CFAP299: variants seen among roughly 807,000 people sequenced by gnomAD.
The protein encoded by CFAP299 is cilia- and flagella-associated protein 299.
CFAP299 carries 21 observed loss-of-function variants against 27.0 expected under a neutral mutation model. The observed-to-expected ratio is 0.78, with a 90% CI of 0.55 to 1.12. CFAP299 has a LOEUF of 1.12. Ranked by LOEUF, CFAP299 falls within the 50% of genes most tolerant of loss-of-function variation. The pLI, the probability that CFAP299 is intolerant of heterozygous loss-of-function variation, is 0.00. For synonymous variants in CFAP299, 104 were observed against 98.1 expected (o/e 1.06, Z -0.36); for missense variants, 310 against 276.6 (o/e 1.12, Z -0.86).
At chr4:80,881,551 G>A (rs1733707028) in intron 4 of CFAP299, among the ~76,000 whole-genome samples, 1 of 140,022 alleles carries the variant, frequency 7.1e-6, no homozygotes, top group African/African-American at 2.4e-5. Flanking sequence ...TGTGCTCCTT[G>A]TTGAGTTGGC....
the CFAP299 span, among the ~76,000 whole-genome samples, chr4:80,322,688 G>A: frequency 6.6e-6 from 1 of 152,118 alleles, no homozygotes. Context: ...ATTTCAGTAG[G>A]AAAAGGTAGG....
intron 3 of CFAP299, among the ~76,000 whole-genome samples, chr4:80,676,911 G>A (rs1719499191): frequency 6.6e-6 from 1 of 151,640 alleles, no homozygotes; most frequent in African/African-American, 2.4e-5. Context: ...TCATTTTGTT[G>A]ATATTCTGTA....
intron 3 of CFAP299, among the ~76,000 whole-genome samples, chr4:80,800,247 TAA>T (rs1430367613): frequency 1.6e-4 from 11 of 69,826 alleles, no homozygotes; most frequent in Admixed American, 5.5e-4. Context: ...ATATAATATA[TAA>T]TATATATTAT....
chr4:80,793,876 C>T (rs995708734), intron 3 of CFAP299, among the ~76,000 whole-genome samples: 1 of 152,156 alleles, frequency 6.6e-6, no homozygotes, highest in South Asian at 2.1e-4. Flanking sequence ...ATGACTACCT[C>T]GTCTACTATC....
chr4:80,728,277 T>C (rs1306053801), intron 3 of CFAP299, among the ~76,000 whole-genome samples: 1 of 152,150 alleles, frequency 6.6e-6, no homozygotes, highest in Non-Finnish European at 1.5e-5. Context: ...TTAACTTCCA[T>C]ATCCACAAAA....
chr4:80,340,646 G>T (rs1280744589), intron 1 of CFAP299, among the ~76,000 whole-genome samples: 1 of 152,154 alleles, frequency 6.6e-6, no homozygotes, highest in African/African-American at 2.4e-5. Flanking sequence ...TGACATTTTT[G>T]CAGATTGGGC....
chr4:80,840,881 T>C, intron 3 of CFAP299, among the ~76,000 whole-genome samples: 1 of 152,108 alleles, frequency 6.6e-6, no homozygotes, highest in East Asian at 1.9e-4. Flanking sequence ...CTTTCTTTTA[T>C]GTATGAGGAA....
intron 2 of CFAP299, among the ~76,000 whole-genome samples, chr4:80,374,320 G>C (rs570550304): frequency 6.6e-6 from 1 of 152,034 alleles, no homozygotes; most frequent in South Asian, 2.1e-4. Flanking sequence ...TTTCTTATCA[G>C]ACCTACCATG....
intron 2 of CFAP299, among the ~76,000 whole-genome samples, chr4:80,508,070 A>G (rs1732119840): frequency 6.6e-6 from 1 of 152,276 alleles, no homozygotes; most frequent in Admixed American, 6.5e-5. Context: ...AGAAAAGCAA[A>G]ATAAAAGAAA....
chr4:80,853,981 T>G (rs1036723438), intron 3 of CFAP299, among the ~76,000 whole-genome samples: 2 of 152,074 alleles, frequency 1.3e-5, no homozygotes, highest in African/African-American at 2.4e-5. Flanking sequence ...ATTAAGTAAA[T>G]TCATGGAACT....
intron 4 of CFAP299, among the ~76,000 whole-genome samples, chr4:80,880,936 C>T (rs1733670054): frequency 6.6e-6 from 1 of 152,110 alleles, no homozygotes; most frequent in Non-Finnish European, 1.5e-5. Context: ...GCAGGGTGCC[C>T]TTCTTGCAGC....
chr4:80,800,342 T>C (rs1285770672), intron 3 of CFAP299, among the ~76,000 whole-genome samples: 2 of 73,978 alleles, frequency 2.7e-5, no homozygotes, highest in African/African-American at 5.9e-5. Context: ...ATATATATAA[T>C]ATATAATATA....
chr4:80,567,734 TATA>T (rs1265137653), intron 2 of CFAP299, among the ~76,000 whole-genome samples: 4 of 6,094 alleles, frequency 6.6e-4, no homozygotes, highest in African/African-American at 1.1e-3. Flanking sequence ...AATGTATTTA[TATA>T]TATATATATA....
At chr4:80,360,683 AG>A (rs1723497312) in intron 1 of CFAP299, among the ~76,000 whole-genome samples, 1 of 152,246 alleles carries the variant, frequency 6.6e-6, no homozygotes, top group African/African-American at 2.4e-5. Flanking sequence ...TGATTGTTAT[AG>A]GTTTCAAGTT....
At chr4:80,349,292 C>T (rs750989707) in intron 1 of CFAP299, among the ~76,000 whole-genome samples, 18 of 152,156 alleles carry the variant, frequency 1.2e-4, no homozygotes, top group Non-Finnish European at 2.2e-4. Context: ...TTCACCCTGA[C>T]ATGTAACTAT....
At chr4:80,797,557 G>A (rs1381697236) in intron 3 of CFAP299, among the ~76,000 whole-genome samples, 1 of 152,134 alleles carries the variant, frequency 6.6e-6, no homozygotes, top group African/African-American at 2.4e-5. Context: ...TGCCTTTGAT[G>A]GTTGAGTGCC....
At chr4:80,952,657 A>G (rs1737843665) in intron 5 of CFAP299, among the ~76,000 whole-genome samples, 1 of 152,198 alleles carries the variant, frequency 6.6e-6, no homozygotes, top group Non-Finnish European at 1.5e-5. Context: ...CATAAGGTTT[A>G]AAATTAAAAA....
At chr4:80,570,492 T>G (rs1271870501) in intron 2 of CFAP299, among the ~76,000 whole-genome samples, 2 of 152,056 alleles carry the variant, frequency 1.3e-5, no homozygotes, top group Non-Finnish European at 2.9e-5. Flanking sequence ...GAGAGGAAAT[T>G]AATATGACAA....
At chr4:80,888,765 A>G (rs146420221) in intron 4 of CFAP299, among the ~76,000 whole-genome samples, 216 of 152,160 alleles carry the variant, frequency 1.4e-3, no homozygotes, top group African/African-American at 4.6e-3. Flanking sequence ...AAACAATATC[A>G]AACATGTTCT....
Sources: gnomAD v4.1 joint callset for allele counts (sites outside exome capture counted in the v4.1 genomes callset) on GRCh38, gnomAD v4.1.1 for gene constraint, MANE v1.5 for transcripts, NCBI Gene and HGNC (gene_info 2026-07-23, HGNC 2026-07-21) for gene names.